The following CEPT1 variants were observed in gnomAD, a reference collection of about 807,000 sequenced individuals.
The protein encoded by CEPT1 is choline/ethanolamine phosphotransferase 1, also known as choline/ethanolaminephosphotransferase 1.
CEPT1 carries 7 observed loss-of-function variants against 42.6 expected under a neutral mutation model. The ratio of observed to expected loss-of-function variants is 0.16; its 90% CI spans 0.09 to 0.31. The LOEUF is 0.31. Among genes scored for constraint, CEPT1 ranks in the 10% least tolerant of loss-of-function variants. The probability of loss-of-function intolerance (pLI) is 1.00; values close to 1 mark genes in which losing one functional copy is unlikely to be tolerated. For synonymous variants in CEPT1, 171 were observed against 171.9 expected, an observed-to-expected ratio of 0.99 and a Z score of 0.04; for missense variants, 306 against 502.1, an observed-to-expected ratio of 0.61 and a Z score of 3.73.
rs58987328 is a variant in CEPT1, at chr1:111,149,424, G to A, written c.339+1371G>A. ...ATTACAGGCCCGCACCATCACGCCC[G>A]GCTAATTTTTGTATTTGTAGTAGAG... On this transcript the variant is annotated intron_variant, in intron 2 of 8. Coordinates refer to ENST00000357172, the MANE Select transcript of CEPT1 (RefSeq NM_006090.5). Among the ~76,000 whole-genome samples, 1,323 of 151,970 alleles carry A rather than the reference G, an allele frequency of 8.7e-3. 20 individuals are homozygous for A. Among genetic ancestry groups the A allele is most frequent in the African/African-American group, 0.03 (1,223 of 41,426 alleles).
chr1:111,182,016 G>A (rs1657017726), intron 5 of CEPT1, 171 bp from the exon 6 acceptor site: 3 of 427,282 alleles, frequency 7.0e-6, no homozygotes, highest in Non-Finnish European at 4.1e-6. Flanking sequence ...CTCAACTCTT[G>A]AGACTTGCTA....
At chr1:111,180,728 A>G (rs937691850) in intron 5 of CEPT1, 6 of 152,258 alleles carry the variant, frequency 3.9e-5, no homozygotes, top group Non-Finnish European at 7.3e-5. Context: ...TTTTGAAGAA[A>G]TAAAGTATCC....
rs779040820 is a variant in CEPT1, at chr1:111,161,237, A to T, written c.570A>T (p.Thr190=). 4.3e-6 allele frequency: 7 copies of T among 1,613,906 alleles called. No homozygotes were observed. The East Asian group carries it at 1.6e-4, about 36-fold the overall frequency. ...TGTTTTTTTGTTGTTTTGCGGGGAC[A>T]TTTATGTTCTATTGTGCGCACTGGC... The part of the protein sequence containing the change: ...DWMFFCCFAG[T]FMFYCAHWQT... The change falls in exon 4 of 9, where the codon ACA becomes ACT. Residue 190 remains threonine, a synonymous_variant. Coordinates refer to ENST00000357172, the MANE Select transcript of CEPT1 (RefSeq NM_006090.5).
rs775722606 is a variant in CEPT1 at position 111,149,266 on chromosome 1, C to CTTTTTTTTTTTT, written c.339+1216_339+1227dup. On this transcript the variant is annotated intron_variant, in intron 2 of 8. Coordinates refer to ENST00000357172, the MANE Select transcript of CEPT1 (RefSeq NM_006090.5). The stretch of plus-strand genomic sequence containing the variant: ...ATAGATGTAAAATCTGGTTTCTCCT[C>CTTTTTTTTTTTT]TTTTTTTTTTTTTTGAGACAGGGTC... Among the ~76,000 whole-genome samples the CTTTTTTTTTTTT allele has an allele frequency of 3.9e-3, 496 of 127,792 alleles. 34 individuals carry two copies. Among genetic ancestry groups the CTTTTTTTTTTTT allele is most frequent in the African/African-American group, 0.013 (390 of 31,164 alleles). The allele number at this position is 127,792 out of a possible 152,430, so 83.8% of individuals were successfully genotyped here.
At chr1:111,149,365 C>G (rs1460013774) in intron 2 of CEPT1, among the ~76,000 whole-genome samples, 1 of 150,992 alleles carries the variant, frequency 6.6e-6, no homozygotes, top group African/African-American at 2.4e-5. Context: ...AGGGTTTAAG[C>G]GATTCTCCTG....
At chr1:111,181,387 G>C (rs1656978997) in intron 5 of CEPT1, 1 of 152,190 alleles carries the variant, frequency 6.6e-6, no homozygotes, top group Admixed American at 6.5e-5. Context: ...TTAAAATTCA[G>C]TACAAGTGTA....
rs1357578203 is a variant in CEPT1, at chr1:111,182,404, A to G, written c.846+86A>G. On this transcript the variant is annotated intron_variant, in intron 6 of 8. Transcript: ENST00000357172. ...TTGTTTTTTATTTCAAATGTATAAA[A>G]TCATTTGTTAATTTATAATTTATAC... 4.4e-6 allele frequency: 6 copies of G among 1,355,572 alleles called. No individual in the cohort carries two copies. In the African/African-American group the frequency reaches 7.4e-5, roughly 17 times the overall value. The allele number at this position is 1,355,572 out of a possible 1,614,324, so 84.0% of individuals were successfully genotyped here.
At chr1:111,176,664 A>C in intron 5 of CEPT1, among the ~76,000 whole-genome samples, 1 of 152,326 alleles carries the variant, frequency 6.6e-6, no homozygotes, top group South Asian at 2.1e-4. Context: ...ACATGATGAG[A>C]TATCTTGGTA....
intron 4 of CEPT1, chr1:111,167,767 A>G: frequency 1.0e-6 from 1 of 959,082 alleles, no homozygotes; most frequent in Non-Finnish European, 1.2e-6. Context: ...TGCTTTTGAA[A>G]CTAAATATCC....
chr1:111,174,030 A>G (rs1030767015), intron 4 of CEPT1, among the ~76,000 whole-genome samples: 2 of 152,186 alleles, frequency 1.3e-5, no homozygotes, highest in African/African-American at 4.8e-5. Flanking sequence ...TTGTGCAAGT[A>G]TATCTGTAGG....
intron 3 of CEPT1, chr1:111,160,953 T>TAAA (rs71096395): frequency 1.2e-3 from 551 of 455,136 alleles, no homozygotes; most frequent in Non-Finnish European, 1.6e-3. Flanking sequence ...AGTGATTTGG[T>TAAA]AAAAAAAAAA....
chr1:111,144,663 A>ACTCATCT (rs1654858552), intron 1 of CEPT1, among the ~76,000 whole-genome samples: 1 of 152,218 alleles, frequency 6.6e-6, no homozygotes, highest in South Asian at 2.1e-4. Context: ...GCAGGCTAGC[A>ACTCATCT]CTCATCTTTT....
intron 1 of CEPT1, among the ~76,000 whole-genome samples, chr1:111,143,310 C>T (rs578101324): frequency 6.6e-6 from 1 of 152,186 alleles, no homozygotes; most frequent in East Asian, 1.9e-4. Context: ...CTGGCTCCTT[C>T]TTTTCCTCTG....
At chr1:111,165,989 A>G (rs1320221293) in intron 4 of CEPT1, among the ~76,000 whole-genome samples, 3 of 152,184 alleles carry the variant, frequency 2.0e-5, no homozygotes, top group African/African-American at 7.2e-5. Flanking sequence ...GAATTGGGAA[A>G]CTTTCTAATC....
intron 4 of CEPT1, among the ~76,000 whole-genome samples, chr1:111,165,081 A>G (rs1336978948): frequency 2.7e-5 from 3 of 110,302 alleles, no homozygotes; most frequent in Non-Finnish European, 5.1e-5. Context: ...ACGGAGTCTC[A>G]CTGTGTCGCC....
chr1:111,165,727 C>T (rs980417092), intron 4 of CEPT1, among the ~76,000 whole-genome samples: 1 of 152,134 alleles, frequency 6.6e-6, no homozygotes, highest in Non-Finnish European at 1.5e-5. Context: ...ATTCATGCTT[C>T]TAAAGTTTCA....
chr1:111,158,533 A>G (rs940118490), intron 2 of CEPT1, among the ~76,000 whole-genome samples: 1 of 152,342 alleles, frequency 6.6e-6, no homozygotes, highest in East Asian at 1.9e-4. Flanking sequence ...ATGTTTAAAA[A>G]TGTTACAAAC....
At chr1:111,180,542 T>G (rs540024452) in intron 5 of CEPT1, 1 of 152,334 alleles carries the variant, frequency 6.6e-6, no homozygotes, top group South Asian at 2.1e-4. Context: ...CCATAAAGTT[T>G]AGGACTTGAC....
intron 2 of CEPT1, among the ~76,000 whole-genome samples, chr1:111,148,294 A>G (rs780641503): frequency 1.3e-4 from 20 of 152,128 alleles, no homozygotes; most frequent in Non-Finnish European, 2.4e-4. Context: ...TAACATGTAA[A>G]ATGTTCCTTT....
Sources: allele counts gnomAD v4.1 joint callset (sites outside exome capture counted in the v4.1 genomes callset), GRCh38; gene constraint gnomAD v4.1.1; transcripts MANE v1.5; gene names NCBI Gene and HGNC (gene_info 2026-07-23, HGNC 2026-07-21).